The following GRIP1 variants were observed in gnomAD, a reference collection of about 807,000 sequenced individuals.
GRIP1 encodes the protein glutamate receptor-interacting protein 1.
Under a neutral mutation model 129.9 loss-of-function variants are expected in GRIP1, and 45 were observed. That is an observed-to-expected ratio of 0.35 (90% CI 0.27 to 0.44). The LOEUF (loss-of-function observed/expected upper bound fraction) is 0.44. Among genes scored for constraint, GRIP1 ranks in the 20% least tolerant of loss-of-function variants. The pLI is 1.00. For missense variants in GRIP1, 1,196 were observed against 1,396.8 expected (o/e 0.86, Z 2.29); for synonymous variants, 530 against 520.8 (o/e 1.02, Z -0.24).
intron 2 of GRIP1, among the ~76,000 whole-genome samples, chr12:66,579,032 A>C (rs1352825513): frequency 6.6e-6 from 1 of 152,102 alleles, no homozygotes; most frequent in Non-Finnish European, 1.5e-5. Flanking sequence ...ACTGACACCT[A>C]ACACAGCCGG....
At chr12:66,698,683 T>C (rs916898293) in intron 1 of GRIP1, among the ~76,000 whole-genome samples, 1 of 152,166 alleles carries the variant, frequency 6.6e-6, no homozygotes, top group Non-Finnish European at 1.5e-5. Context: ...TTGTTGGCTC[T>C]AGGGTGGTCC....
At chr12:66,682,171 T>C (rs1227811118), upstream of GRIP1, among the ~76,000 whole-genome samples, 4 of 152,242 alleles carry the variant, frequency 2.6e-5, 1 homozygote, top group Admixed American at 2.0e-4. Flanking sequence ...CAAATTCAAT[T>C]AACAAAGTAC....
At chr12:66,923,112 G>A (rs938115665) in intron 1 of GRIP1, among the ~76,000 whole-genome samples, 2 of 152,144 alleles carry the variant, frequency 1.3e-5, no homozygotes, top group African/African-American at 4.8e-5. Flanking sequence ...ATGACTAGTA[G>A]CTTGGGTTTA....
chr12:66,539,006 T>C lies in GRIP1; in HGVS notation c.418+72A>G, dbSNP rs1407242808. On this transcript the variant is annotated intron_variant, in intron 4 of 24. Coordinates refer to ENST00000359742, the MANE Select transcript of GRIP1 (RefSeq NM_001366722.1). ...CTGATATATATAGGGTTTGGTATTA[T>C]GAGCAGTTTTAGGCATCCACTGGGG... 1.3e-5 allele frequency: 16 copies of C among 1,241,286 alleles called. No homozygotes were observed. In the Admixed American group the frequency reaches 1.9e-4, roughly 14 times the overall value. 76.9% of individuals were successfully genotyped at this position (1,241,286 alleles called of 1,614,324 possible). A position where few individuals can be genotyped will look rare whatever the true frequency, so the allele number is the denominator to read the frequency against.
At chr12:66,480,347 C>T (rs2059765663) in intron 7 of GRIP1, among the ~76,000 whole-genome samples, 1 of 152,148 alleles carries the variant, frequency 6.6e-6, no homozygotes, top group Non-Finnish European at 1.5e-5. Flanking sequence ...AGGAATACAA[C>T]TTACAAGGGA....
At chr12:66,935,958 A>G (rs1218912819) in intron 1 of GRIP1, among the ~76,000 whole-genome samples, 2 of 152,244 alleles carry the variant, frequency 1.3e-5, no homozygotes, top group African/African-American at 2.4e-5. Flanking sequence ...ATTCAAATAT[A>G]GAAGTACAGA....
chr12:67,044,559 G>C lies in GRIP1; in HGVS notation c.58+24491C>G, dbSNP rs188484026. 6.6e-5 allele frequency among the ~76,000 whole-genome samples: 10 copies of C among 152,254 alleles called. No individual in the cohort carries two copies. The East Asian group carries it at 1.9e-3, about 29-fold the overall frequency. On this transcript the variant is annotated intron_variant, in intron 1 of 1. Coordinates refer to the GRIP1 transcript ENST00000643019. The stretch of plus-strand genomic sequence containing the variant: ...GCTACTGTGAAAATCTAGTACAACT[G>C]TTGTCATAATCATAATTACTGTAAA...
intron 1 of GRIP1, among the ~76,000 whole-genome samples, chr12:66,773,836 C>A (rs992467966): frequency 6.6e-6 from 1 of 152,072 alleles, no homozygotes; most frequent in African/African-American, 2.4e-5. Flanking sequence ...CATGTCTTTT[C>A]TTTATCAAAG....
intron 1 of GRIP1, among the ~76,000 whole-genome samples, chr12:66,660,361 T>C (rs2033423375): frequency 6.6e-6 from 1 of 152,190 alleles, no homozygotes; most frequent in South Asian, 2.1e-4. Context: ...TTTATCAGAT[T>C]GTTCTTATGT....
At chr12:67,037,358 A>ATAATAATAATAC (rs1450620517) in intron 1 of GRIP1, 1 of 148,652 alleles carries the variant, frequency 6.7e-6, no homozygotes, top group East Asian at 2.0e-4. Context: ...AATAATAATA[A>ATAATAATAATAC]TACTTAAATA....
intron 1 of GRIP1, among the ~76,000 whole-genome samples, chr12:66,757,509 T>C (rs1228965935): frequency 6.6e-6 from 1 of 152,206 alleles, no homozygotes; most frequent in Admixed American, 6.5e-5. Flanking sequence ...GCAACAAAGG[T>C]TGCTTCCAAA....
chr12:66,891,026 C>A (rs1413982062), intron 1 of GRIP1, among the ~76,000 whole-genome samples: 1 of 152,156 alleles, frequency 6.6e-6, no homozygotes, highest in Non-Finnish European at 1.5e-5. Flanking sequence ...TCTAAAATTA[C>A]ATAGTGCATT....
At chr12:66,658,160 C>A (rs1565947170) in intron 1 of GRIP1, among the ~76,000 whole-genome samples, 1 of 151,586 alleles carries the variant, frequency 6.6e-6, no homozygotes, top group Non-Finnish European at 1.5e-5. Context: ...TTTGTTAATG[C>A]AAAAAAACCT....
chr12:66,505,568 A>G (rs555952222), intron 7 of GRIP1, among the ~76,000 whole-genome samples: 1 of 152,338 alleles, frequency 6.6e-6, no homozygotes, highest in East Asian at 1.9e-4. Flanking sequence ...TTTTGCTACA[A>G]TGTAATAGAA....
chr12:66,660,242 T>C (rs2033416717), intron 1 of GRIP1, among the ~76,000 whole-genome samples: 1 of 150,936 alleles, frequency 6.6e-6, no homozygotes, highest in African/African-American at 2.4e-5. Flanking sequence ...ATTCATACCC[T>C]AAAATAATAG....
chr12:66,990,584 A>C (rs921771525), intron 1 of GRIP1, among the ~76,000 whole-genome samples: 5 of 152,248 alleles, frequency 3.3e-5, no homozygotes, highest in African/African-American at 9.6e-5. Flanking sequence ...TACTCACAAC[A>C]ACCTGAGGAA....
At chr12:66,371,657 A>C (rs759491866) in intron 23 of GRIP1, 37 bp downstream of exon 23, 6 of 1,424,670 alleles carry the variant, frequency 4.2e-6, no homozygotes, top group Non-Finnish European at 6.0e-6. Flanking sequence ...ATGGCTGCCA[A>C]ATTTGACCCT....
At chr12:66,893,141 A>C (rs972318995) in intron 1 of GRIP1, among the ~76,000 whole-genome samples, 10 of 152,210 alleles carry the variant, frequency 6.6e-5, no homozygotes, top group Non-Finnish European at 1.5e-5. Context: ...TGAACATGTT[A>C]TATAAGTGGA....
chr12:66,901,082 C>G (rs2040836843), intron 1 of GRIP1, among the ~76,000 whole-genome samples: 1 of 152,094 alleles, frequency 6.6e-6, no homozygotes, highest in Non-Finnish European at 1.5e-5. Flanking sequence ...TCACATCTTC[C>G]AAATTATTTT....
Sources: allele counts gnomAD v4.1 joint callset (sites outside exome capture counted in the v4.1 genomes callset), GRCh38; gene constraint gnomAD v4.1.1; transcripts MANE v1.5; gene names NCBI Gene and HGNC (gene_info 2026-07-23, HGNC 2026-07-21).